Variants in SLC24A2 observed in about 807,000 individuals in gnomAD.
SLC24A2 encodes sodium/potassium/calcium exchanger 2.
In SLC24A2, 36 loss-of-function variants were observed where a neutral mutation model predicts 62.0. That is an observed-to-expected ratio of 0.58 (90% confidence interval 0.44 to 0.77). The LOEUF (loss-of-function observed/expected upper bound fraction) is 0.77, where lower values mean the gene tolerates loss of function less well. SLC24A2 is among the 30% of genes least tolerant of loss of function. The pLI, the probability that SLC24A2 is intolerant of heterozygous loss-of-function variation, is 0.00. For synonymous variants in SLC24A2, 358 were observed against 294.0 expected, an observed-to-expected ratio of 1.22 and a Z score of -2.23; for missense variants, 846 against 817.9, an observed-to-expected ratio of 1.03 and a Z score of -0.42.
the SLC24A2 span, among the ~76,000 whole-genome samples, chr9:20,254,568 C>G: frequency 9.7e-3 from 1,477 of 152,272 alleles, 32 homozygotes; most frequent in African/African-American, 0.032. Context: ...CTCTATTAAT[C>G]TGCTTCAGGT....
chr9:19,996,431 A>T, the SLC24A2 span, among the ~76,000 whole-genome samples: 1 of 151,986 alleles, frequency 6.6e-6, no homozygotes, highest in African/African-American at 2.4e-5. Flanking sequence ...CACATTCATC[A>T]CTCTTGGCGT....
the SLC24A2 span, among the ~76,000 whole-genome samples, chr9:20,105,441 C>G: frequency 5.1e-3 from 756 of 147,480 alleles, 13 homozygotes; most frequent in East Asian, 0.07. Flanking sequence ...TGACCACATA[C>G]TTGGAAGTAA....
At chr9:19,948,038 G>A in the SLC24A2 span, among the ~76,000 whole-genome samples, 1 of 152,116 alleles carries the variant, frequency 6.6e-6, no homozygotes, top group Non-Finnish European at 1.5e-5. Context: ...GCCTGTAACA[G>A]AGCAATCATC....
chr9:20,157,142 C>G, the SLC24A2 span, among the ~76,000 whole-genome samples: 1 of 151,460 alleles, frequency 6.6e-6, no homozygotes, highest in Non-Finnish European at 1.5e-5. Context: ...GTGGGGAAGA[C>G]ACAGAAGAAA....
the SLC24A2 span, among the ~76,000 whole-genome samples, chr9:20,053,471 G>T: frequency 5.3e-5 from 8 of 151,992 alleles, no homozygotes; most frequent in Non-Finnish European, 8.8e-5. Flanking sequence ...TCCTTGCTCT[G>T]ATCTTCGTTT....
the SLC24A2 span, among the ~76,000 whole-genome samples, chr9:20,168,847 C>G: frequency 6.6e-6 from 1 of 151,990 alleles, no homozygotes; most frequent in African/African-American, 2.4e-5. Flanking sequence ...GTTTCACTCT[C>G]AGGTGTGTAT....
chr9:19,651,847 A>C (rs189965738), intron 2 of SLC24A2, among the ~76,000 whole-genome samples: 1 of 152,180 alleles, frequency 6.6e-6, no homozygotes, highest in Non-Finnish European at 1.5e-5. Context: ...AGGTTTCTCT[A>C]TGACATGCGC....
chr9:19,733,180 C>G (rs7025856), intron 2 of SLC24A2, among the ~76,000 whole-genome samples: 2,346 of 151,866 alleles, frequency 0.015, 34 homozygotes, highest in Middle Eastern at 0.034. Flanking sequence ...GCCTGAGTCT[C>G]AATGATGGGG....
At chr9:20,182,776 G>T in the SLC24A2 span, among the ~76,000 whole-genome samples, 1 of 152,188 alleles carries the variant, frequency 6.6e-6, no homozygotes, top group Non-Finnish European at 1.5e-5. Context: ...AGAATTTAAA[G>T]TATGATACAA....
chr9:19,777,451 G>A (rs1691304387), intron 2 of SLC24A2, among the ~76,000 whole-genome samples: 1 of 152,166 alleles, frequency 6.6e-6, no homozygotes, highest in Non-Finnish European at 1.5e-5. Flanking sequence ...AGAAATTCAT[G>A]TGTAAAGCTA....
chr9:20,164,497 AG>A, the SLC24A2 span, among the ~76,000 whole-genome samples: 1 of 151,444 alleles, frequency 6.6e-6, no homozygotes, highest in African/African-American at 2.4e-5. Flanking sequence ...GGTGCTGGAG[AG>A]GATGTGGAGA....
At chr9:20,288,771 A>G in the SLC24A2 span, among the ~76,000 whole-genome samples, 4 of 151,216 alleles carry the variant, frequency 2.6e-5, no homozygotes, top group African/African-American at 9.7e-5. Flanking sequence ...AAAGAATGCA[A>G]TGGAAGAGAC....
the SLC24A2 span, among the ~76,000 whole-genome samples, chr9:20,249,927 C>T: frequency 6.6e-6 from 1 of 152,184 alleles, no homozygotes; most frequent in East Asian, 1.9e-4. Context: ...GTTTCATATT[C>T]AAATAAAAGA....
chr9:19,940,526 C>T, the SLC24A2 span, among the ~76,000 whole-genome samples: 11 of 152,154 alleles, frequency 7.2e-5, no homozygotes, highest in Non-Finnish European at 1.5e-4. Flanking sequence ...GCTCATGTCT[C>T]TCCCAAATTC....
chr9:19,604,511 A>T (rs921896722), intron 4 of SLC24A2, among the ~76,000 whole-genome samples: 2 of 152,158 alleles, frequency 1.3e-5, no homozygotes, highest in Admixed American at 1.3e-4. Context: ...AGGCAAAGAG[A>T]ATCAGTGCTA....
the SLC24A2 span, among the ~76,000 whole-genome samples, chr9:20,120,214 G>A: frequency 6.6e-6 from 1 of 152,088 alleles, no homozygotes; most frequent in African/African-American, 2.4e-5. Flanking sequence ...TTGGGTAAAT[G>A]TATCAGATTT....
chr9:20,236,733 C>G, the SLC24A2 span, among the ~76,000 whole-genome samples: 12 of 152,252 alleles, frequency 7.9e-5, no homozygotes, highest in Non-Finnish European at 1.6e-4. Flanking sequence ...TGCATAAAAT[C>G]AGCCTTCCCC....
At chr9:19,666,071 T>C (rs1819244292) in intron 2 of SLC24A2, among the ~76,000 whole-genome samples, 1 of 152,156 alleles carries the variant, frequency 6.6e-6, no homozygotes, top group African/African-American at 2.4e-5. Flanking sequence ...ATAAGTAATA[T>C]GATGCTCTCC....
the SLC24A2 span, among the ~76,000 whole-genome samples, chr9:20,307,445 T>G: frequency 3.3e-5 from 5 of 152,244 alleles, no homozygotes; most frequent in South Asian, 8.3e-4. Context: ...TGGGAAAGGC[T>G]GCTTTCTACT....
Sources: gnomAD v4.1 joint callset for allele counts (sites outside exome capture counted in the v4.1 genomes callset) on GRCh38, gnomAD v4.1.1 for gene constraint, MANE v1.5 for transcripts, NCBI Gene and HGNC (gene_info 2026-07-23, HGNC 2026-07-21) for gene names.